Variants in PITPNC1 observed in about 807,000 individuals in gnomAD.
The protein encoded by PITPNC1 is cytoplasmic phosphatidylinositol transfer protein 1.
A neutral mutation model predicts 44.7 loss-of-function variants in PITPNC1; 18 were observed. The observed-to-expected ratio is 0.40, with a 90% CI of 0.28 to 0.60. The LOEUF (loss-of-function observed/expected upper bound fraction) is 0.60, where lower values mean the gene tolerates loss of function less well. PITPNC1 is among the 20% of genes least tolerant of loss of function. The pLI, the probability that PITPNC1 is intolerant of heterozygous loss-of-function variation, is 0.39. For missense variants in PITPNC1, 290 were observed against 418.4 expected (o/e 0.69, Z 2.68); for synonymous variants, 141 against 149.6 (o/e 0.94, Z 0.42).
intron 6 of PITPNC1, among the ~76,000 whole-genome samples, chr17:67,657,507 G>A (rs535484576): frequency 6.6e-6 from 1 of 150,778 alleles, no homozygotes; most frequent in African/African-American, 2.5e-5. Context: ...TAGAAGTAGG[G>A]TAGGCTGGGA....
Position 67,571,081 on chromosome 17 carries a change from G to A in PITPNC1, c.295-7105G>A, listed in dbSNP as rs142262100. 6.8e-3 allele frequency among the ~76,000 whole-genome samples: 1,043 copies of A among 152,328 alleles called. 5 individuals are homozygous for A. The highest frequency in any genetic ancestry group is 0.024 in the African/African-American group (978 of 41,582). ...GAAGAAGGCAGCCAGCAGGCTGAGT[G>A]TTGTGTTGGTTTTCTCTTGCTGTGT... On this transcript the variant is annotated intron_variant, in intron 4 of 8. Transcript: ENST00000581322.
intron 1 of PITPNC1, among the ~76,000 whole-genome samples, chr17:67,425,189 G>A (rs1253488582): frequency 4.8e-5 from 2 of 41,610 alleles, no homozygotes; most frequent in South Asian, 6.4e-4. Flanking sequence ...CATGTTGTGC[G>A]CGCGCACGCA....
At chr17:67,502,744 C>CATTGCATTGCATTGTATTGT (rs1313719754) in intron 1 of PITPNC1, among the ~76,000 whole-genome samples, 199 of 137,908 alleles carry the variant, frequency 1.4e-3, no homozygotes, top group African/African-American at 5.4e-3. Context: ...CATTGCATTG[C>CATTGCATTGCATTGTATTGT]ATTGTATTGT....
chr17:67,430,913 C>T (rs2038846722), intron 1 of PITPNC1, among the ~76,000 whole-genome samples: 1 of 152,106 alleles, frequency 6.6e-6, no homozygotes, highest in Admixed American at 6.5e-5. Context: ...CACACCACTG[C>T]ACTCCAGCCT....
chr17:67,419,987 A>C (rs1320833501), intron 1 of PITPNC1, among the ~76,000 whole-genome samples: 1 of 152,060 alleles, frequency 6.6e-6, no homozygotes, highest in Non-Finnish European at 1.5e-5. Context: ...CTGTCTATCC[A>C]TCCGTAAAGC....
At chr17:67,656,700 C>G (rs1031219298) in intron 6 of PITPNC1, among the ~76,000 whole-genome samples, 1 of 152,128 alleles carries the variant, frequency 6.6e-6, no homozygotes, top group Non-Finnish European at 1.5e-5. Flanking sequence ...TTGGCCAGAC[C>G]TTGAAACTTG....
chr17:67,489,593 T>G (rs1398380606), intron 1 of PITPNC1, among the ~76,000 whole-genome samples: 2 of 152,176 alleles, frequency 1.3e-5, no homozygotes, highest in African/African-American at 4.8e-5. Flanking sequence ...TTTCATTGGT[T>G]TGAGTCCTGG....
intron 5 of PITPNC1, among the ~76,000 whole-genome samples, chr17:67,616,911 G>A (rs10459946): frequency 0.48 from 73,200 of 151,938 alleles, 20,173 homozygotes; most frequent in Non-Finnish European, 0.62. Flanking sequence ...CTTTCTCTCC[G>A]GTGTATTGTT....
chr17:67,696,312 G>A lies in PITPNC1; in HGVS notation c.*3424G>A, dbSNP rs976298276. ...AATCATTCTCTGCAAAAGTTTCAGG[G>A]CTAATGTATTTATGTGTATTTTTAA... On this transcript the variant is annotated 3_prime_UTR_variant, in exon 9 of 9. Transcript: ENST00000581322. 1.3e-5 allele frequency: 2 copies of A among 152,120 alleles called. No homozygotes were observed. The highest frequency in any genetic ancestry group is 2.1e-4 in the South Asian group (1 of 4,828). The allele number at this position is 152,120 out of a possible 1,614,324, so 9.4% of individuals were successfully genotyped here.
At chr17:67,547,778 A>C (rs2040704099) in intron 2 of PITPNC1, among the ~76,000 whole-genome samples, 1 of 152,200 alleles carries the variant, frequency 6.6e-6, no homozygotes, top group Non-Finnish European at 1.5e-5. Flanking sequence ...GAAGCTCTTT[A>C]TGAAGTAGGT....
At position 67,473,345 on chromosome 17, in the gene PITPNC1, T is replaced by C. The variant is rs187349867; in HGVS notation, c.49-59457T>C. On this transcript the variant is annotated intron_variant, in intron 1 of 8. Coordinates refer to ENST00000581322, the MANE Select transcript of PITPNC1 (RefSeq NM_012417.4). Reference sequence around the variant, plus strand: ...CACTTTACCTGGCCTGCTTGTTTTTTTGAGACAGAGTCTCGCTCTGTCGCC... The same window carrying C: ...CACTTTACCTGGCCTGCTTGTTTTTCTGAGACAGAGTCTCGCTCTGTCGCC... Among the ~76,000 whole-genome samples the C allele has an allele frequency of 2.2e-3, 329 of 151,914 alleles. 8 individuals are homozygous for C. The South Asian group carries it at 0.041, about 19-fold the overall frequency.
chr17:67,459,096 C>CT (rs1343813975), intron 1 of PITPNC1, among the ~76,000 whole-genome samples: 2,409 of 122,166 alleles, frequency 0.02, 91 homozygotes, highest in African/African-American at 0.068. Flanking sequence ...CTCTTTGGGG[C>CT]TTTTTTTTTT....
intron 1 of PITPNC1, among the ~76,000 whole-genome samples, chr17:67,509,881 G>A (rs1029527100): frequency 2.6e-5 from 4 of 152,128 alleles, no homozygotes; most frequent in Admixed American, 1.3e-4. Context: ...GCCTAATGAC[G>A]TCATTTCTAT....
chr17:67,580,764 A>C (rs1220645950), intron 5 of PITPNC1, among the ~76,000 whole-genome samples: 2 of 152,178 alleles, frequency 1.3e-5, no homozygotes, highest in Non-Finnish European at 2.9e-5. Context: ...AGAGGTGTAG[A>C]GAGGCCAGGT....
chr17:67,550,513 T>A (rs2706694), intron 2 of PITPNC1, among the ~76,000 whole-genome samples: 5,583 of 146,098 alleles, frequency 0.038, 323 homozygotes, highest in African/African-American at 0.13. Flanking sequence ...AAGAGGGGTT[T>A]GAGACTTGGG....
intron 5 of PITPNC1, among the ~76,000 whole-genome samples, chr17:67,592,539 T>A (rs565105076): frequency 3.3e-5 from 5 of 152,280 alleles, no homozygotes; most frequent in African/African-American, 1.2e-4. Flanking sequence ...GAGACAAATT[T>A]TGAACAAAGA....
chr17:67,656,386 TCTC>T (rs1316841717), intron 6 of PITPNC1, among the ~76,000 whole-genome samples: 14 of 152,172 alleles, frequency 9.2e-5, no homozygotes, highest in Non-Finnish European at 2.1e-4. Flanking sequence ...CTCTGTGTCT[TCTC>T]CTCTTCTGTA....
In PITPNC1 at chr17:67,468,369, A is replaced by G. The variant is rs970437080; in HGVS notation, c.49-64433A>G. Among the ~76,000 whole-genome samples, 5 of 150,284 alleles carry G rather than the reference A, an allele frequency of 3.3e-5. No individual in the cohort carries two copies. In the East Asian group the frequency reaches 7.8e-4, roughly 23 times the overall value. On this transcript the variant is annotated intron_variant, in intron 1 of 8. Coordinates refer to ENST00000581322, the MANE Select transcript of PITPNC1 (RefSeq NM_012417.4). ...GAGTCCCTTGGGGAAGCCGTGGTGA[A>G]GCCACAGGAATGAACAGGTGGCTTT...
At chr17:67,422,708 T>G (rs548456869) in intron 1 of PITPNC1, among the ~76,000 whole-genome samples, 3 of 152,094 alleles carry the variant, frequency 2.0e-5, no homozygotes, top group Non-Finnish European at 4.4e-5. Flanking sequence ...CTCGGCTAAT[T>G]TTTGTATTTT....
Sources: gnomAD v4.1 joint callset for allele counts (sites outside exome capture counted in the v4.1 genomes callset) on GRCh38, gnomAD v4.1.1 for gene constraint, MANE v1.5 for transcripts, NCBI Gene and HGNC (gene_info 2026-07-23, HGNC 2026-07-21) for gene names.